The following C17orf78 variants were observed in gnomAD, a reference collection of about 807,000 sequenced individuals.
The protein encoded by C17orf78 is chromosome 17 open reading frame 78, also known as uncharacterized protein C17orf78.
In C17orf78, 27 loss-of-function variants were observed where a neutral mutation model predicts 31.8. That is an observed-to-expected ratio of 0.85 (90% confidence interval 0.63 to 1.17). C17orf78 has a LOEUF of 1.17. Among genes scored for constraint, C17orf78 ranks in the 50% most tolerant of loss-of-function variants. C17orf78 has a pLI of 0.00. For missense variants in C17orf78, 258 were observed against 315.2 expected, an observed-to-expected ratio of 0.82 and a Z score of 1.37; for synonymous variants, 106 against 115.1, an observed-to-expected ratio of 0.92 and a Z score of 0.51.
intron 2 of C17orf78, among the ~76,000 whole-genome samples, chr17:37,378,190 G>A (rs929304959): frequency 2.0e-5 from 3 of 152,114 alleles, no homozygotes; most frequent in Non-Finnish European, 4.4e-5. Context: ...AGAGAAGGAG[G>A]CAGAACCTAC....
Position 37,391,866 on chromosome 17 carries a change from A to C in C17orf78, c.*142A>C, listed in dbSNP as rs2147813315. The C allele has an allele frequency of 1.3e-6, 1 of 788,442 alleles. No homozygotes were observed. The highest frequency in any genetic ancestry group is 2.2e-5 in the Admixed American group (1 of 45,704). 48.8% of individuals were successfully genotyped at this position (788,442 alleles called of 1,614,324 possible). A position where few individuals can be genotyped will look rare whatever the true frequency, so the allele number is the denominator to read the frequency against. On this transcript the variant is annotated 3_prime_UTR_variant, in exon 7 of 7. Coordinates refer to ENST00000615133, the MANE Select transcript of C17orf78 (RefSeq NM_173625.5). The stretch of plus-strand genomic sequence containing the variant: ...ACCAATTCCTGGTTAATGAAGGGAG[A>C]GTGTGGGCTTAGCAGAGTTACCCTC...
At chr17:37,380,660 C>G (rs1172039405) in intron 3 of C17orf78, among the ~76,000 whole-genome samples, 1 of 151,902 alleles carries the variant, frequency 6.6e-6, no homozygotes, top group Non-Finnish European at 1.5e-5. Flanking sequence ...TCCAGTGGTG[C>G]GATCTTGGCC....
At chr17:37,390,175 T>TATATATATATATACACACACAC (rs60788220) in intron 6 of C17orf78, among the ~76,000 whole-genome samples, 9 of 44,510 alleles carry the variant, frequency 2.0e-4, no homozygotes, top group African/African-American at 1.0e-3. Flanking sequence ...TATATATATA[T>TATATATATATATACACACACAC]ACACACACAC....
intron 3 of C17orf78, among the ~76,000 whole-genome samples, chr17:37,385,130 C>T (rs2050469081): frequency 6.6e-6 from 1 of 152,092 alleles, no homozygotes; most frequent in African/African-American, 2.4e-5. Flanking sequence ...TCCTTCTACC[C>T]TTGCCCACCC....
intron 6 of C17orf78, 116 bp downstream of exon 6, chr17:37,389,478 C>T: frequency 7.1e-7 from 1 of 1,399,516 alleles, no homozygotes; most frequent in Non-Finnish European, 9.5e-7. Flanking sequence ...AGGTGGATCA[C>T]CTGAGGTGAT....
In C17orf78 at chr17:37,391,697, C is replaced by A; in HGVS notation, c.801C>A (p.Ile267=). Residue 267 remains isoleucine (I), a synonymous_variant, in exon 7 of 7, where the codon ATC becomes ATA. Coordinates refer to ENST00000615133, the MANE Select transcript of C17orf78 (RefSeq NM_173625.5). The part of the protein sequence containing the change: ...NSSNPKKAAE[I]TVIHQTYF ...CAAACCCAAAGAAAGCTGCAGAGATCACTGTTATCCACCAGACATACTTCT... is the reference window on the plus strand; with the variant it reads ...CAAACCCAAAGAAAGCTGCAGAGATAACTGTTATCCACCAGACATACTTCT... The A allele has an allele frequency of 6.2e-7, 1 of 1,613,844 alleles. No individual in the cohort carries two copies.
rs527925148 is a variant in C17orf78 at position 37,376,222 on chromosome 17, C to T, written c.58+72C>T. The T allele has an allele frequency of 1.0e-4, 135 of 1,287,228 alleles. 2 individuals are homozygous for T. In the South Asian group the frequency reaches 1.5e-3, roughly 15 times the overall value. 79.7% of individuals were successfully genotyped at this position (1,287,228 alleles called of 1,614,324 possible). A position where few individuals can be genotyped will look rare whatever the true frequency, so the allele number is the denominator to read the frequency against. On this transcript the variant is annotated intron_variant, in intron 1 of 6. Transcript: ENST00000615133. ...CTAGAAAGAGTTTCGGGGTCTCTTC[C>T]ACCAGATAGAGATGTAGCTGATATC...
Position 37,377,848 on chromosome 17 carries a change from G to C in C17orf78, c.59-31G>C, listed in dbSNP as rs1158806511. 14 of 1,571,922 alleles carry C rather than the reference G, an allele frequency of 8.9e-6. No homozygotes were observed. The South Asian group carries it at 1.5e-4, about 16-fold the overall frequency. ...TCTGATTTTCCCCAAACCTTCCCCG[G>C]TTCCCCTCCTCCCCCTCTGCTCACC... On this transcript the variant is annotated intron_variant, in intron 1 of 6. Coordinates refer to ENST00000615133, the MANE Select transcript of C17orf78 (RefSeq NM_173625.5).
intron 3 of C17orf78, among the ~76,000 whole-genome samples, 164 bp downstream of exon 3, chr17:37,379,546 T>C (rs947791191): frequency 3.3e-5 from 5 of 152,214 alleles, no homozygotes; most frequent in African/African-American, 1.2e-4. Context: ...TCATTGTAGA[T>C]TCTGGATATT....
At chr17:37,390,253 T>TAAA (rs2050767925) in intron 6 of C17orf78, among the ~76,000 whole-genome samples, 1 of 35,086 alleles carries the variant, frequency 2.9e-5, no homozygotes, top group East Asian at 1.8e-3. Context: ...TATATATATA[T>TAAA]TATATATAAT....
Position 37,379,385 on chromosome 17 carries a change from G to A in C17orf78, c.391+3G>A, listed in dbSNP as rs2050145786. On this transcript the variant is annotated splice_donor_region_variant and intron_variant, in intron 3 of 6. Coordinates refer to ENST00000615133, the MANE Select transcript of C17orf78 (RefSeq NM_173625.5). ...TGGATCTCTTCTAAAAGGCAAAGGT[G>A]AGATTGGAAAAGAGGAAGGGGGCAG... is the stretch of plus-strand genomic sequence containing the variant. The A allele has an allele frequency of 5.0e-6, 8 of 1,612,728 alleles. No individual in the cohort carries two copies. Among genetic ancestry groups the A allele is most frequent in the Non-Finnish European group, 6.8e-6 (8 of 1,179,284 alleles).
Position 37,392,644 on chromosome 17 carries a change from GT to G in C17orf78, c.*924del, listed in dbSNP as rs2050930313. 6.6e-6 allele frequency: 1 copy of G among 151,216 alleles called. No homozygotes were observed. The highest frequency in any genetic ancestry group is 1.5e-5 in the Non-Finnish European group (1 of 67,832). The allele number at this position is 151,216 out of a possible 1,614,324, so 9.4% of individuals were successfully genotyped here. On this transcript the variant is annotated 3_prime_UTR_variant, in exon 7 of 7. Transcript: ENST00000615133. ...AATGTGTCTGTTTCTAAGAAATTCT[GT>G]TTTCTTAGTTCTCTGGTTAAAAAAA...
At position 37,384,458 on chromosome 17, in the gene C17orf78, G is replaced by A. The variant is rs144644307; in HGVS notation, c.392-1551G>A. Among the ~76,000 whole-genome samples the A allele has an allele frequency of 2.1e-3, 315 of 152,054 alleles. 1 individual carries two copies. The highest frequency in any genetic ancestry group is 7.3e-3 in the African/African-American group (303 of 41,502). Reference sequence around the variant, plus strand: ...ATCATAATATCATTCAGTTTGCAAAGTGTTTACACACATGCTTTCTCATTT... The same window carrying A: ...ATCATAATATCATTCAGTTTGCAAAATGTTTACACACATGCTTTCTCATTT... On this transcript the variant is annotated intron_variant, in intron 3 of 6. Transcript: ENST00000615133.
chr17:37,381,686 GGT>G (rs2050271402), intron 3 of C17orf78, among the ~76,000 whole-genome samples: 1 of 143,604 alleles, frequency 7.0e-6, no homozygotes, highest in Non-Finnish European at 1.5e-5. Context: ...GGAGTGCAGT[GGT>G]GCGATCTCAG....
intron 3 of C17orf78, among the ~76,000 whole-genome samples, chr17:37,383,775 C>G (rs1331178263): frequency 6.6e-6 from 1 of 152,186 alleles, no homozygotes; most frequent in South Asian, 2.1e-4. Context: ...AGCTCCTGTC[C>G]TCAAGTGAGA....
Position 37,390,946 on chromosome 17 carries a change from G to A in C17orf78, c.751-701G>A, listed in dbSNP as rs149293011. ...ACACAATAAGCTACTAAATGATAAA[G>A]GAATAAAAATAGGGCCAGGCGTGGT... is the stretch of plus-strand genomic sequence containing the variant. On this transcript the variant is annotated intron_variant, in intron 6 of 6. Coordinates refer to ENST00000615133, the MANE Select transcript of C17orf78 (RefSeq NM_173625.5). Among the ~76,000 whole-genome samples the A allele has an allele frequency of 8.3e-3, 1,255 of 152,072 alleles. 4 individuals are homozygous for A. The highest frequency in any genetic ancestry group is 0.014 in the Middle Eastern group (4 of 294).
intron 4 of C17orf78, 75 bp from the exon 5 acceptor site, chr17:37,388,595 T>G: frequency 6.6e-7 from 1 of 1,505,028 alleles, no homozygotes; most frequent in Non-Finnish European, 9.1e-7. Flanking sequence ...CCAGAAGAAC[T>G]TCAGGTCAAA....
chr17:37,378,016 T>C, intron 2 of C17orf78, 51 bp downstream of exon 2: 3 of 1,537,920 alleles, frequency 2.0e-6, no homozygotes, highest in Non-Finnish European at 2.7e-6. Context: ...CAAAAAATTT[T>C]TACCTTTAAA....
At chr17:37,386,403 C>G (rs1204578219) in intron 4 of C17orf78, among the ~76,000 whole-genome samples, 2 of 151,972 alleles carry the variant, frequency 1.3e-5, no homozygotes, top group African/African-American at 4.8e-5. Flanking sequence ...ACCAGCCTGA[C>G]CAACACGGTG....
Sources: gnomAD v4.1 joint callset for allele counts (sites outside exome capture counted in the v4.1 genomes callset) on GRCh38, gnomAD v4.1.1 for gene constraint, MANE v1.5 for transcripts, NCBI Gene and HGNC (gene_info 2026-07-23, HGNC 2026-07-21) for gene names.